ZSCAN2: variants seen among roughly 807,000 people sequenced by gnomAD.
The protein encoded by ZSCAN2 is zinc finger and SCAN domain containing 2.
Under a neutral mutation model 47.8 loss-of-function variants are expected in ZSCAN2, and 26 were observed. The ratio of observed to expected loss-of-function variants is 0.54; its 90% confidence interval spans 0.40 to 0.75. The LOEUF (loss-of-function observed/expected upper bound fraction) is 0.75. Ranked by LOEUF, ZSCAN2 falls within the 30% of genes least tolerant of loss-of-function variation. The pLI is 0.00. For missense variants in ZSCAN2, 732 were observed against 785.4 expected, an observed-to-expected ratio of 0.93 and a Z score of 0.81; for synonymous variants, 305 against 288.7, an observed-to-expected ratio of 1.06 and a Z score of -0.57.
At position 84,622,569 on chromosome 15, in the gene ZSCAN2, T is replaced by C. The variant is rs1291561592; in HGVS notation, c.*529T>C. The stretch of plus-strand genomic sequence containing the variant: ...CTTCTGGCTTTGGTGTCTTGGGCTT[T>C]GATTTCAGGTCAAGATGGAGGGGCT... On this transcript the variant is annotated 3_prime_UTR_variant, in exon 3 of 3. Coordinates refer to ENST00000546148, the MANE Select transcript of ZSCAN2 (RefSeq NM_181877.4). The C allele has an allele frequency of 1.4e-6, 1 of 715,394 alleles. No individual in the cohort carries two copies. The highest frequency in any genetic ancestry group is 2.0e-5 in the Admixed American group (1 of 49,646). 44.3% of individuals were successfully genotyped at this position (715,394 alleles called of 1,614,324 possible). A position where few individuals can be genotyped will look rare whatever the true frequency, so the allele number is the denominator to read the frequency against.
At chr15:84,605,558 G>T (rs759912689) in intron 2 of ZSCAN2, among the ~76,000 whole-genome samples, 1 of 152,194 alleles carries the variant, frequency 6.6e-6, no homozygotes, top group Non-Finnish European at 1.5e-5. Context: ...AGTGGCAAGT[G>T]TGTTTTTAGG....
Position 84,622,631 on chromosome 15 carries a change from C to T in ZSCAN2, c.*591C>T, listed in dbSNP as rs1327951137. On this transcript the variant is annotated 3_prime_UTR_variant, in exon 3 of 3. Coordinates refer to ENST00000546148, the MANE Select transcript of ZSCAN2 (RefSeq NM_181877.4). ...GAGTCACCCACGTGAAGGTAAAGACCCTTTCTATTTCCAGAAAGTGTCAGG... is the reference window on the plus strand; with the variant it reads ...GAGTCACCCACGTGAAGGTAAAGACTCTTTCTATTTCCAGAAAGTGTCAGG... 1.4e-6 allele frequency: 1 copy of T among 717,258 alleles called. No homozygotes were observed. The highest frequency in any genetic ancestry group is 2.6e-6 in the Non-Finnish European group (1 of 385,070). 44.4% of individuals were successfully genotyped at this position (717,258 alleles called of 1,614,324 possible).
At chr15:84,617,960 T>C (rs1353407827) in intron 2 of ZSCAN2, among the ~76,000 whole-genome samples, 2 of 151,970 alleles carry the variant, frequency 1.3e-5, no homozygotes, top group Non-Finnish European at 2.9e-5. Flanking sequence ...AAAATAAAAA[T>C]AAATGTGATC....
chr15:84,613,973 C>T (rs1895625201), intron 2 of ZSCAN2, among the ~76,000 whole-genome samples: 2 of 122,006 alleles, frequency 1.6e-5, no homozygotes, highest in African/African-American at 6.3e-5. Flanking sequence ...AGCCACTGCT[C>T]TTGGCCTCTT....
At chr15:84,605,748 C>T (rs751024697) in intron 2 of ZSCAN2, among the ~76,000 whole-genome samples, 3 of 152,158 alleles carry the variant, frequency 2.0e-5, no homozygotes, top group Non-Finnish European at 4.4e-5. Flanking sequence ...CAGGAAGCTC[C>T]CTTGTCTTCA....
At position 84,622,201 on chromosome 15, in the gene ZSCAN2, G is replaced by C. The variant is rs114072014; in HGVS notation, c.*161G>C. The C allele has an allele frequency of 2.0e-3, 1,357 of 689,128 alleles. 17 individuals carry two copies. In the African/African-American group the frequency reaches 0.023, roughly 12 times the overall value. 42.7% of individuals were successfully genotyped at this position (689,128 alleles called of 1,614,324 possible). ...TCATTTCCAGGACACTGTCATTTTA[G>C]TGGTCTGAGTCAAGTCCCGTATACA... is the stretch of plus-strand genomic sequence containing the variant. On this transcript the variant is annotated 3_prime_UTR_variant, in exon 3 of 3. Coordinates refer to ENST00000546148, the MANE Select transcript of ZSCAN2 (RefSeq NM_181877.4).
chr15:84,607,215 T>C (rs1402634114), intron 2 of ZSCAN2, among the ~76,000 whole-genome samples: 1 of 152,172 alleles, frequency 6.6e-6, no homozygotes, highest in Non-Finnish European at 1.5e-5. Context: ...GTGGAGTTTC[T>C]CACCTGAATT....
chr15:84,619,213 C>G (rs7176460), intron 2 of ZSCAN2, among the ~76,000 whole-genome samples: 1 of 151,742 alleles, frequency 6.6e-6, no homozygotes, highest in Admixed American at 6.6e-5. Context: ...GGGCGGATCA[C>G]AAGGTCAGGA....
chr15:84,612,832 G>A (rs1206640264), intron 2 of ZSCAN2, among the ~76,000 whole-genome samples: 1 of 152,174 alleles, frequency 6.6e-6, no homozygotes, highest in Non-Finnish European at 1.5e-5. Context: ...TGTCTTGTAT[G>A]TAATACCTGG....
chr15:84,602,144 T>G (rs1895224252), intron 1 of ZSCAN2: 2 of 151,876 alleles, frequency 1.3e-5, no homozygotes, highest in Non-Finnish European at 2.9e-5. Context: ...AGAGACGAGG[T>G]TTCTCCGTGT....
chr15:84,604,052 A>T lies in ZSCAN2; in HGVS notation c.125A>T (p.Gln42Leu). The T allele has an allele frequency of 1.2e-6, 2 of 1,614,172 alleles. No individual in the cohort carries two copies. Among genetic ancestry groups the T allele is most frequent in the South Asian group, 2.2e-5 (2 of 91,084 alleles). ...TMILEDDSWVQEAVLQEDGPE... is the reference protein window; with the variant it reads ...TMILEDDSWVLEAVLQEDGPE... ...ATCCTGGAGGATGACTCCTGGGTGCAAGAAGCTGTGCTGCAGGAGGATGGC... is the reference window on the plus strand; with the variant it reads ...ATCCTGGAGGATGACTCCTGGGTGCTAGAAGCTGTGCTGCAGGAGGATGGC... The change falls in exon 2 of 3, where the codon CAA (glutamine) becomes CTA (leucine). Residue 42 changes from glutamine to leucine, a missense_variant. Coordinates refer to ENST00000546148, the MANE Select transcript of ZSCAN2 (RefSeq NM_181877.4).
chr15:84,622,026 G>C lies in ZSCAN2; in HGVS notation c.1831G>C (p.Glu611Gln), dbSNP rs753066376. The C allele has an allele frequency of 1.9e-5, 30 of 1,602,820 alleles. No individual in the cohort carries two copies. The highest frequency in any genetic ancestry group is 2.3e-5 in the Non-Finnish European group (27 of 1,173,408). ...CACACATCAGAGAACTCACATGAAAGAGAAACTTTATTGAAGTGGCAAAGA... is the reference window on the plus strand; with the variant it reads ...CACACATCAGAGAACTCACATGAAACAGAAACTTTATTGAAGTGGCAAAGA... ...FITHQRTHMK[E>Q]KLY is the part of the protein sequence containing the mutation. Residue 611 changes from glutamate (E) to glutamine (Q), a missense_variant, in exon 3 of 3, where the codon GAG becomes CAG. By Grantham distance (29) the Glu-to-Gln change is conservative (BLOSUM62 2). Coordinates refer to ENST00000546148, the MANE Select transcript of ZSCAN2 (RefSeq NM_181877.4).
At chr15:84,618,279 G>A (rs1046239807) in intron 2 of ZSCAN2, among the ~76,000 whole-genome samples, 3 of 152,134 alleles carry the variant, frequency 2.0e-5, no homozygotes, top group Non-Finnish European at 4.4e-5. Context: ...TTAGCTGGGC[G>A]TGGTGGTGTG....
intron 2 of ZSCAN2, chr15:84,616,323 G>T: frequency 6.6e-7 from 1 of 1,517,828 alleles, no homozygotes; most frequent in East Asian, 2.3e-5. Context: ...AGCTTCCTGC[G>T]TACATGGCTG....
rs973101505 is a variant in ZSCAN2, at chr15:84,622,099, A to G, written c.*59A>G. 7 of 1,390,670 alleles carry G rather than the reference A, an allele frequency of 5.0e-6. No individual in the cohort carries two copies. The highest frequency in any genetic ancestry group is 4.6e-5 in the East Asian group (2 of 43,528). 86.1% of individuals were successfully genotyped at this position (1,390,670 alleles called of 1,614,324 possible). ...GAGTGGGAGTTGCCACACTGCCCCAACAGTGATTCCCTTTCAAAGAGCTGT... is the reference window on the plus strand; with the variant it reads ...GAGTGGGAGTTGCCACACTGCCCCAGCAGTGATTCCCTTTCAAAGAGCTGT... On this transcript the variant is annotated 3_prime_UTR_variant, in exon 3 of 3. Transcript: ENST00000546148.
intron 2 of ZSCAN2, among the ~76,000 whole-genome samples, chr15:84,617,517 G>A (rs1024267865): frequency 1.3e-5 from 2 of 151,974 alleles, no homozygotes; most frequent in African/African-American, 4.8e-5. Context: ...TGCCCCTTGT[G>A]CCTGTATCTG....
intron 2 of ZSCAN2, among the ~76,000 whole-genome samples, chr15:84,608,097 C>A (rs1258731528): frequency 6.6e-6 from 1 of 152,076 alleles, no homozygotes; most frequent in East Asian, 1.9e-4. Context: ...CCTGTAAAAT[C>A]CTAGAAGACA....
chr15:84,610,397 A>C (rs778412352), intron 2 of ZSCAN2, among the ~76,000 whole-genome samples: 1 of 152,094 alleles, frequency 6.6e-6, no homozygotes, highest in Non-Finnish European at 1.5e-5. Flanking sequence ...CTAGGCACTC[A>C]CAATTCAAGT....
chr15:84,603,760 G>T (rs1224355242), intron 1 of ZSCAN2, 60 bp from the exon 2 acceptor site: 4 of 751,620 alleles, frequency 5.3e-6, no homozygotes, highest in Non-Finnish European at 8.3e-6. Context: ...GGGCTTTTGT[G>T]AGTTAGATTG....
Sources: allele counts gnomAD v4.1 joint callset (sites outside exome capture counted in the v4.1 genomes callset), GRCh38; gene constraint gnomAD v4.1.1; transcripts MANE v1.5; gene names NCBI Gene and HGNC (gene_info 2026-07-23, HGNC 2026-07-21).